RBFOX1: variants seen among roughly 807,000 people sequenced by gnomAD.
The protein encoded by RBFOX1 is RNA binding protein fox-1 homolog 1.
Under a neutral mutation model 57.7 loss-of-function variants are expected in RBFOX1, and 8 were observed. The observed-to-expected ratio is 0.14, with a 90% CI of 0.08 to 0.25. RBFOX1 has a LOEUF of 0.25. Among genes scored for constraint, RBFOX1 ranks in the 10% least tolerant of loss-of-function variants. RBFOX1 has a pLI of 1.00. For missense variants in RBFOX1, 611 were observed against 548.5 expected (o/e 1.11, Z -1.14); for synonymous variants, 326 against 222.4 (o/e 1.47, Z -4.15).
intron 14 of RBFOX1, among the ~76,000 whole-genome samples, chr16:7,687,147 C>T (rs2076239973): frequency 6.6e-6 from 1 of 152,000 alleles, no homozygotes; most frequent in Non-Finnish European, 1.5e-5. Context: ...TCTGTGTATA[C>T]CCTGTCTCAT....
intron 2 of RBFOX1, among the ~76,000 whole-genome samples, chr16:5,489,765 C>G (rs2042763434): frequency 6.6e-6 from 1 of 152,180 alleles, no homozygotes; most frequent in African/African-American, 2.4e-5. Context: ...AGCTGTCTCT[C>G]CAAGAGGGCA....
chr16:5,565,138 T>A (rs188239853), intron 2 of RBFOX1, among the ~76,000 whole-genome samples: 1 of 152,288 alleles, frequency 6.6e-6, no homozygotes, highest in Non-Finnish European at 1.5e-5. Flanking sequence ...AGTGGGATAC[T>A]AAGTGGCAGA....
intron 1 of RBFOX1, among the ~76,000 whole-genome samples, chr16:6,137,941 T>C (rs913457109): frequency 3.3e-5 from 5 of 152,082 alleles, no homozygotes; most frequent in Non-Finnish European, 7.3e-5. Flanking sequence ...AACAGTTATC[T>C]CCATTTTATA....
intron 4 of RBFOX1, among the ~76,000 whole-genome samples, chr16:7,235,120 AT>A (rs1228497409): frequency 6.6e-6 from 1 of 152,212 alleles, no homozygotes; most frequent in African/African-American, 2.4e-5. Context: ...AGGTATATAA[AT>A]CTACACATCG....
chr16:5,326,253 A>G (rs762919605), intron 1 of RBFOX1, among the ~76,000 whole-genome samples: 5 of 152,196 alleles, frequency 3.3e-5, no homozygotes, highest in African/African-American at 7.2e-5. Context: ...CAGAGAGCCA[A>G]TGTGGCTAGC....
At chr16:7,708,804 A>G (rs1394707594) in intron 14 of RBFOX1, among the ~76,000 whole-genome samples, 1 of 133,894 alleles carries the variant, frequency 7.5e-6, no homozygotes, top group Non-Finnish European at 1.6e-5. Context: ...GGAGGCAGGG[A>G]AAAGCATATG....
intron 2 of RBFOX1, among the ~76,000 whole-genome samples, chr16:6,547,138 A>G (rs889312247): frequency 6.6e-6 from 1 of 152,220 alleles, no homozygotes; most frequent in African/African-American, 2.4e-5. Flanking sequence ...CTCTTTTACT[A>G]AGATGCAAGC....
intron 4 of RBFOX1, among the ~76,000 whole-genome samples, chr16:7,316,570 G>A (rs1568176674): frequency 6.6e-6 from 1 of 152,182 alleles, no homozygotes; most frequent in Non-Finnish European, 1.5e-5. Context: ...TTTTCTTCAT[G>A]GAGGTTACAA....
intron 1 of RBFOX1, among the ~76,000 whole-genome samples, chr16:5,403,875 G>A (rs1298852071): frequency 6.6e-6 from 1 of 152,126 alleles, no homozygotes; most frequent in Non-Finnish European, 1.5e-5. Flanking sequence ...AATATACTGG[G>A]GAAAGATAGT....
chr16:7,079,549 G>A (rs897045578), intron 4 of RBFOX1, among the ~76,000 whole-genome samples: 1 of 152,114 alleles, frequency 6.6e-6, no homozygotes, highest in Non-Finnish European at 1.5e-5. Context: ...AGTATTTAGA[G>A]GTGGTGTCAC....
intron 4 of RBFOX1, among the ~76,000 whole-genome samples, chr16:7,301,634 T>TG (rs1244190322): frequency 6.6e-6 from 1 of 152,134 alleles, no homozygotes; most frequent in Non-Finnish European, 1.5e-5. Context: ...TCAGATAAAG[T>TG]CTTATTAAAG....
chr16:6,995,841 G>C (rs1019488729), intron 3 of RBFOX1, among the ~76,000 whole-genome samples: 1 of 152,122 alleles, frequency 6.6e-6, no homozygotes, highest in Non-Finnish European at 1.5e-5. Context: ...GATTGGTTCA[G>C]ATTTTATAAC....
At chr16:6,277,901 C>T (rs948742296) in intron 1 of RBFOX1, among the ~76,000 whole-genome samples, 1 of 152,098 alleles carries the variant, frequency 6.6e-6, no homozygotes, top group Non-Finnish European at 1.5e-5. Flanking sequence ...TGAAGAAATA[C>T]GGTTACCCTC....
intron 4 of RBFOX1, among the ~76,000 whole-genome samples, chr16:5,992,291 A>G (rs201388023): frequency 6.6e-6 from 1 of 152,216 alleles, no homozygotes; most frequent in Non-Finnish European, 1.5e-5. Flanking sequence ...TGGGATTGCA[A>G]TAGATAGGGA....
At chr16:5,680,042 G>C (rs1321673521) in intron 3 of RBFOX1, among the ~76,000 whole-genome samples, 1 of 152,178 alleles carries the variant, frequency 6.6e-6, no homozygotes, top group Non-Finnish European at 1.5e-5. Context: ...AAATGGAAAT[G>C]GCTGTTAGAG....
chr16:7,605,402 C>T (rs2095246021), intron 9 of RBFOX1, among the ~76,000 whole-genome samples: 1 of 152,120 alleles, frequency 6.6e-6, no homozygotes, highest in African/African-American at 2.4e-5. Flanking sequence ...AAAGGGGGCC[C>T]AGGAATTAAA....
chr16:6,924,214 C>G (rs1482091235), intron 3 of RBFOX1, among the ~76,000 whole-genome samples: 1 of 151,084 alleles, frequency 6.6e-6, no homozygotes, highest in Non-Finnish European at 1.5e-5. Context: ...CCACCTGAAA[C>G]TGGGTAATTT....
At chr16:5,630,842 G>C (rs1460154999) in intron 3 of RBFOX1, among the ~76,000 whole-genome samples, 1 of 152,206 alleles carries the variant, frequency 6.6e-6, no homozygotes, top group Non-Finnish European at 1.5e-5. Context: ...TTTCAGAGGG[G>C]AGCAACTTGA....
At chr16:5,937,241 A>G (rs1480308033) in intron 4 of RBFOX1, among the ~76,000 whole-genome samples, 1 of 152,156 alleles carries the variant, frequency 6.6e-6, no homozygotes, top group East Asian at 1.9e-4. Flanking sequence ...AGCTTTTCCT[A>G]TAGTGTGTGG....
Sources: gnomAD v4.1 joint callset for allele counts (sites outside exome capture counted in the v4.1 genomes callset) on GRCh38, gnomAD v4.1.1 for gene constraint, MANE v1.5 for transcripts, NCBI Gene and HGNC (gene_info 2026-07-23, HGNC 2026-07-21) for gene names.